Variants in DMD observed in about 807,000 individuals in gnomAD.
The protein encoded by DMD is dystrophin.
A neutral mutation model predicts 330.1 loss-of-function variants in DMD; 63 were observed. The observed-to-expected ratio is 0.19, with a 90% confidence interval of 0.16 to 0.24. DMD has a LOEUF of 0.24. DMD is among the 10% of genes least tolerant of loss of function. DMD has a pLI of 1.00. For synonymous variants in DMD, 1,223 were observed against 959.8 expected (o/e 1.27, Z -5.07); for missense variants, 3,344 against 2,684.1 (o/e 1.25, Z -5.43).
At chrX:32,085,807 C>G (rs2096434927) in intron 44 of DMD, among the ~76,000 whole-genome samples, 1 of 109,846 alleles carries the variant, frequency 9.1e-6, no homozygotes, top group East Asian at 2.9e-4. Context: ...CTGGCAATAT[C>G]TTATCTACTA....
chrX:32,528,201 C>T (rs112492410), intron 17 of DMD, among the ~76,000 whole-genome samples: 1,672 of 110,388 alleles, frequency 0.015, 28 homozygotes, highest in African/African-American at 0.05. Context: ...CCCAGCTACT[C>T]GGGAGGCTGA....
chrX:31,718,261 C>T (rs940571619), intron 52 of DMD, among the ~76,000 whole-genome samples: 2 of 111,387 alleles, frequency 1.8e-5, no homozygotes, highest in Non-Finnish European at 3.8e-5. Context: ...ACAAATTTCT[C>T]GAGCAAGTTC....
At chrX:31,596,457 T>A (rs1407117304) in intron 55 of DMD, among the ~76,000 whole-genome samples, 1 of 111,916 alleles carries the variant, frequency 8.9e-6, no homozygotes, top group Non-Finnish European at 1.9e-5. Context: ...GCTTAATAAA[T>A]TTGTATTCAG....
chrX:31,350,397 C>T (rs2058326323), intron 60 of DMD, among the ~76,000 whole-genome samples: 1 of 112,126 alleles, frequency 8.9e-6, no homozygotes, highest in Admixed American at 9.5e-5. Flanking sequence ...TCATATAATT[C>T]ATTTTAGTTA....
At chrX:31,464,321 TCA>T (rs1243300323) in intron 59 of DMD, among the ~76,000 whole-genome samples, 2 of 111,948 alleles carry the variant, frequency 1.8e-5, no homozygotes, top group Non-Finnish European at 3.8e-5. Context: ...CCTTCTTTTA[TCA>T]CAGTCCATCA....
In DMD at chrX:31,120,913, T is replaced by TA. The variant is rs1425479324; in HGVS notation, c.*1005dup. ...CCAACCAACCGATTACTCACTCTGA[T>TA]ATAATAAGTCCTGTGTATTCATTCA... On this transcript the variant is annotated 3_prime_UTR_variant, in exon 79 of 79. Coordinates refer to ENST00000357033, the MANE Select transcript of DMD (RefSeq NM_004006.3). The TA allele has an allele frequency of 9.0e-6, 1 of 111,225 alleles. No individual in the cohort carries two copies. Among genetic ancestry groups the TA allele is most frequent in the East Asian group, 2.8e-4 (1 of 3,576 alleles). The allele number at this position is 111,225 out of a possible 1,213,427, so 9.2% of individuals were successfully genotyped here. A position where few individuals can be genotyped will look rare whatever the true frequency, so the allele number is the denominator to read the frequency against.
At chrX:32,409,424 T>A (rs1032744918) in intron 30 of DMD, among the ~76,000 whole-genome samples, 8 of 111,477 alleles carry the variant, frequency 7.2e-5, no homozygotes, top group Non-Finnish European at 1.5e-4. Flanking sequence ...TATTGTAGTA[T>A]TTTTTTAGAA....
chrX:33,123,724 A>AG (rs1402156276), intron 1 of DMD, among the ~76,000 whole-genome samples: 1 of 94,806 alleles, frequency 1.1e-5, no homozygotes, highest in Non-Finnish European at 2.1e-5. Flanking sequence ...GGTTCAAATG[A>AG]GTTTTTTTTT....
chrX:31,447,666 G>A (rs1276170906), intron 59 of DMD, among the ~76,000 whole-genome samples: 2 of 111,315 alleles, frequency 1.8e-5, no homozygotes, highest in Non-Finnish European at 3.8e-5. Context: ...AATAAATATT[G>A]TTGAAGTAGT....
chrX:31,468,761 G>T, intron 59 of DMD, among the ~76,000 whole-genome samples: 1 of 110,868 alleles, frequency 9.0e-6, no homozygotes, highest in South Asian at 3.8e-4. Context: ...TTGACAGTGG[G>T]GTGTTAAAAT....
intron 55 of DMD, among the ~76,000 whole-genome samples, chrX:31,522,355 C>CTATATATA (rs1264715425): frequency 1.3e-4 from 8 of 60,554 alleles, no homozygotes; most frequent in South Asian, 8.3e-4. Context: ...CTCTCTCTCT[C>CTATATATA]TCTCTCTCTA....
intron 30 of DMD, among the ~76,000 whole-genome samples, chrX:32,399,483 C>A (rs2098070455): frequency 9.0e-6 from 1 of 111,355 alleles, no homozygotes; most frequent in African/African-American, 3.3e-5. Flanking sequence ...TGAAAAGGGT[C>A]TCAATATCAC....
chrX:32,211,890 G>A (rs2097095086), intron 44 of DMD, among the ~76,000 whole-genome samples: 1 of 111,760 alleles, frequency 8.9e-6, no homozygotes, highest in Non-Finnish European at 1.9e-5. Flanking sequence ...TGTTTCTACT[G>A]GCAACTACAA....
At chrX:32,851,629 A>G (rs951442962) in intron 2 of DMD, among the ~76,000 whole-genome samples, 1 of 112,503 alleles carries the variant, frequency 8.9e-6, no homozygotes, top group African/African-American at 3.2e-5. Flanking sequence ...TTTTAATATC[A>G]TATCAAGGAA....
intron 50 of DMD, among the ~76,000 whole-genome samples, chrX:31,802,350 A>G (rs2092108238): frequency 9.0e-6 from 1 of 111,253 alleles, no homozygotes; most frequent in Non-Finnish European, 1.9e-5. Flanking sequence ...TAACCTGCAT[A>G]GTGTTACAAG....
chrX:32,088,548 A>G (rs5927934), intron 44 of DMD, among the ~76,000 whole-genome samples: 1 of 110,253 alleles, frequency 9.1e-6, no homozygotes, highest in Non-Finnish European at 1.9e-5. Flanking sequence ...ATCATAAGCT[A>G]AATAAGTGGG....
chrX:31,633,803 T>TA (rs1294313665), intron 54 of DMD, among the ~76,000 whole-genome samples: 2 of 112,233 alleles, frequency 1.8e-5, no homozygotes, highest in African/African-American at 6.4e-5. Flanking sequence ...TTCATAAAAA[T>TA]AAAAAACCTT....
intron 51 of DMD, among the ~76,000 whole-genome samples, chrX:31,764,202 C>T (rs1487590620): frequency 9.0e-6 from 1 of 111,642 alleles, no homozygotes; most frequent in Non-Finnish European, 1.9e-5. Context: ...AACAATTGTA[C>T]TGTAAAATCT....
intron 63 of DMD, among the ~76,000 whole-genome samples, chrX:31,258,379 T>C (rs896948790): frequency 4.4e-5 from 5 of 112,634 alleles, no homozygotes; most frequent in African/African-American, 1.6e-4. Flanking sequence ...TGTTATCTGA[T>C]GAATCACCAC....
Sources: allele counts gnomAD v4.1 joint callset (sites outside exome capture counted in the v4.1 genomes callset), GRCh38; gene constraint gnomAD v4.1.1; transcripts MANE v1.5; gene names NCBI Gene and HGNC (gene_info 2026-07-23, HGNC 2026-07-21).